Variants in EXOC6B observed in about 807,000 individuals in gnomAD.
EXOC6B encodes SEC15 homolog B.
A neutral mutation model predicts 113.5 loss-of-function variants in EXOC6B; 54 were observed. The ratio of observed to expected loss-of-function variants is 0.48; its 90% CI spans 0.38 to 0.60. The LOEUF (loss-of-function observed/expected upper bound fraction) is 0.60, where lower values mean the gene tolerates loss of function less well. EXOC6B is among the 20% of genes least tolerant of loss of function. The pLI, the probability that EXOC6B is intolerant of heterozygous loss-of-function variation, is 0.00. For missense variants in EXOC6B, 797 were observed against 977.5 expected, an observed-to-expected ratio of 0.82 and a Z score of 2.46; for synonymous variants, 357 against 339.0, an observed-to-expected ratio of 1.05 and a Z score of -0.58.
rs1297453656 is a variant in EXOC6B, at chr2:72,823,470, AAAAAAAAACAAAAAAC to A, written c.113+2312_113+2327del. Among the ~76,000 whole-genome samples the A allele has an allele frequency of 4.7e-4, 65 of 138,436 alleles. 8 individuals are homozygous for A. The highest frequency in any genetic ancestry group is 1.0e-3 in the Admixed American group (14 of 14,012). 90.8% of individuals were successfully genotyped at this position (138,436 alleles called of 152,430 possible). A position where few individuals can be genotyped will look rare whatever the true frequency, so the allele number is the denominator to read the frequency against. Reference sequence around the variant, plus strand: ...AATCAAAGTTTTAAGAAAAAAAAAAAAAAAAAAACAAAAAACAAAAAAAAAGACAGTGGCCAGGCAC... The same window carrying A: ...AATCAAAGTTTTAAGAAAAAAAAAAAAAAAAAAAAGACAGTGGCCAGGCAC... On this transcript the variant is annotated intron_variant, in intron 1 of 21. Transcript: ENST00000272427.
intron 1 of EXOC6B, among the ~76,000 whole-genome samples, chr2:72,776,147 TGTA>T (rs1230959558): frequency 3.3e-4 from 50 of 152,294 alleles, no homozygotes; most frequent in Non-Finnish European, 6.5e-4. Context: ...TTCTTATAAC[TGTA>T]TGTGAAACTG....
At chr2:72,545,285 A>T (rs913935683) in intron 8 of EXOC6B, among the ~76,000 whole-genome samples, 1 of 151,992 alleles carries the variant, frequency 6.6e-6, no homozygotes. Context: ...TCTTTTTTTC[A>T]TTTGCCAATC....
intron 18 of EXOC6B, among the ~76,000 whole-genome samples, chr2:72,407,799 T>C (rs1693884205): frequency 6.6e-6 from 1 of 152,152 alleles, no homozygotes; most frequent in South Asian, 2.1e-4. Context: ...CTTTGAAAAC[T>C]GGCACAAGAC....
rs574730752 is a variant in EXOC6B, at chr2:72,524,165, A to C, written c.916-9039T>G. Among the ~76,000 whole-genome samples, 29 of 152,126 alleles carry C rather than the reference A, an allele frequency of 1.9e-4. 1 individual carries two copies. Among genetic ancestry groups the C allele is most frequent in the Non-Finnish European group, 3.2e-4 (22 of 67,980 alleles). On this transcript the variant is annotated intron_variant, in intron 8 of 21. Coordinates refer to ENST00000272427, the MANE Select transcript of EXOC6B (RefSeq NM_015189.3). The stretch of plus-strand genomic sequence containing the variant: ...ATACAGAGTTTAAAAAAAAAAAAAA[A>C]AAAAAACTGAAAGGGCCATTTTAAT...
chr2:72,306,394 C>A (rs1686860030), intron 20 of EXOC6B, among the ~76,000 whole-genome samples: 1 of 152,062 alleles, frequency 6.6e-6, no homozygotes, highest in Non-Finnish European at 1.5e-5. Flanking sequence ...TATTTTCTGA[C>A]CTTTTTAAAA....
chr2:72,326,824 T>C (rs531790501), intron 20 of EXOC6B, among the ~76,000 whole-genome samples: 2 of 152,068 alleles, frequency 1.3e-5, no homozygotes, highest in African/African-American at 4.8e-5. Context: ...CATAATATAC[T>C]CTGGTGGAAC....
At chr2:72,639,712 A>T (rs901744726) in intron 6 of EXOC6B, among the ~76,000 whole-genome samples, 1 of 152,224 alleles carries the variant, frequency 6.6e-6, no homozygotes, top group African/African-American at 2.4e-5. Context: ...GCCCAATACA[A>T]GTCCCCCAGA....
chr2:72,286,359 C>T (rs1685413019), intron 20 of EXOC6B, among the ~76,000 whole-genome samples: 1 of 152,042 alleles, frequency 6.6e-6, no homozygotes, highest in African/African-American at 2.4e-5. Context: ...ATGGAGGAAA[C>T]TTAAATGCAT....
At position 72,532,820 on chromosome 2, in the gene EXOC6B, C is replaced by CA. The variant is rs749183277; in HGVS notation, c.916-17695dup. Among the ~76,000 whole-genome samples the CA allele has an allele frequency of 1.5e-3, 230 of 150,064 alleles. 2 individuals carry two copies. Among genetic ancestry groups the CA allele is most frequent in the African/African-American group, 5.4e-3 (222 of 40,860 alleles). Reference sequence around the variant, plus strand: ...GAGACTCCATCTCAAACAACAACGACAAAAAACAAAACAAAAAAAAAACAA... The same window carrying CA: ...GAGACTCCATCTCAAACAACAACGACAAAAAAACAAAACAAAAAAAAAACAA... On this transcript the variant is annotated intron_variant, in intron 8 of 21. Coordinates refer to ENST00000272427, the MANE Select transcript of EXOC6B (RefSeq NM_015189.3).
At chr2:72,511,787 T>C (rs1700914942) in intron 11 of EXOC6B, among the ~76,000 whole-genome samples, 1 of 152,098 alleles carries the variant, frequency 6.6e-6, no homozygotes, top group African/African-American at 2.4e-5. Flanking sequence ...TTCTTTCAGG[T>C]CTCTGAGAGG....
At chr2:72,497,856 GCA>G (rs1218822983) in intron 13 of EXOC6B, among the ~76,000 whole-genome samples, 1 of 152,162 alleles carries the variant, frequency 6.6e-6, no homozygotes, top group Non-Finnish European at 1.5e-5. Context: ...TGTGCCAAGA[GCA>G]CAGTTCGAGA....
intron 1 of EXOC6B, among the ~76,000 whole-genome samples, chr2:72,754,622 T>C (rs1023956649): frequency 2.0e-5 from 3 of 151,194 alleles, no homozygotes; most frequent in South Asian, 2.1e-4. Context: ...TTTTCTTTTT[T>C]TTTTTTTAGA....
chr2:72,594,138 G>A (rs769394941), intron 6 of EXOC6B, among the ~76,000 whole-genome samples: 2 of 151,990 alleles, frequency 1.3e-5, no homozygotes, highest in Non-Finnish European at 2.9e-5. Context: ...ATGCACGCAC[G>A]CCTGGCTAAT....
intron 18 of EXOC6B, among the ~76,000 whole-genome samples, chr2:72,421,254 A>G (rs1694851667): frequency 6.6e-6 from 1 of 152,074 alleles, no homozygotes; most frequent in Non-Finnish European, 1.5e-5. Context: ...TAAATTCCCA[A>G]ATAGCCTTAA....
rs560900140 is a variant in EXOC6B at position 72,287,288 on chromosome 2, G to A, written c.2196+47659C>T. ...ACTAAAAATACAAATAAAATTAGCCGGGCGTGGTGTCAGGCACCTGTAGTC... is the reference window on the plus strand; with the variant it reads ...ACTAAAAATACAAATAAAATTAGCCAGGCGTGGTGTCAGGCACCTGTAGTC... On this transcript the variant is annotated intron_variant, in intron 20 of 21. Transcript: ENST00000272427. Among the ~76,000 whole-genome samples the A allele has an allele frequency of 5.9e-5, 9 of 151,598 alleles. No individual in the cohort carries two copies. The South Asian group carries it at 6.3e-4, about 11-fold the overall frequency.
chr2:72,784,801 G>A (rs576649499), intron 1 of EXOC6B, among the ~76,000 whole-genome samples: 1 of 152,052 alleles, frequency 6.6e-6, no homozygotes, highest in Admixed American at 6.5e-5. Context: ...TCCACCCCTG[G>A]CCCCTCTAAA....
At chr2:72,653,466 T>G (rs1442755921) in intron 6 of EXOC6B, among the ~76,000 whole-genome samples, 4 of 143,196 alleles carry the variant, frequency 2.8e-5, no homozygotes, top group African/African-American at 1.0e-4. Flanking sequence ...AAATGACGAG[T>G]TAATGGGTGC....
intron 6 of EXOC6B, among the ~76,000 whole-genome samples, chr2:72,705,780 C>G (rs1216107967): frequency 6.6e-6 from 1 of 152,106 alleles, no homozygotes; most frequent in African/African-American, 2.4e-5. Flanking sequence ...CTACACAATT[C>G]TTTTCATTTA....
chr2:72,547,192 A>G (rs1702957426), intron 8 of EXOC6B, among the ~76,000 whole-genome samples: 1 of 152,212 alleles, frequency 6.6e-6, no homozygotes, highest in Admixed American at 6.5e-5. Context: ...GCACAATGAT[A>G]TTCTCAATTC....
Sources: allele counts gnomAD v4.1 joint callset (sites outside exome capture counted in the v4.1 genomes callset), GRCh38; gene constraint gnomAD v4.1.1; transcripts MANE v1.5; gene names NCBI Gene and HGNC (gene_info 2026-07-23, HGNC 2026-07-21).